DLGAP2: variants seen among roughly 807,000 people sequenced by gnomAD.
DLGAP2 encodes the protein DLG associated protein 2.
Under a neutral mutation model 100.3 loss-of-function variants are expected in DLGAP2, and 26 were observed. The observed-to-expected ratio is 0.26, with a 90% CI of 0.19 to 0.36. The LOEUF (loss-of-function observed/expected upper bound fraction) is 0.36. Among genes scored for constraint, DLGAP2 ranks in the 10% least tolerant of loss-of-function variants. The pLI is 1.00. For synonymous variants in DLGAP2, 886 were observed against 630.1 expected, an observed-to-expected ratio of 1.41 and a Z score of -6.08; for missense variants, 1,858 against 1,453.2, an observed-to-expected ratio of 1.28 and a Z score of -4.53.
At chr8:1,199,120 A>G (rs1363063013) in intron 2 of DLGAP2, among the ~76,000 whole-genome samples, 1 of 152,246 alleles carries the variant, frequency 6.6e-6, no homozygotes, top group Non-Finnish European at 1.5e-5. Flanking sequence ...ACTTAAACAC[A>G]CATACACACA....
chr8:946,520 C>T (rs967701767), intron 2 of DLGAP2, among the ~76,000 whole-genome samples: 2 of 152,178 alleles, frequency 1.3e-5, no homozygotes, highest in Non-Finnish European at 2.9e-5. Flanking sequence ...GCCTTGGCCT[C>T]CCAAAGTGCT....
intron 2 of DLGAP2, among the ~76,000 whole-genome samples, chr8:988,670 G>T (rs537915396): frequency 2.0e-5 from 3 of 152,094 alleles, no homozygotes; most frequent in Admixed American, 1.3e-4. Context: ...GTGATTTGCC[G>T]TGGCTCTGAC....
intron 3 of DLGAP2, among the ~76,000 whole-genome samples, chr8:1,407,978 T>C (rs181704880): frequency 3.2e-4 from 49 of 152,344 alleles, no homozygotes; most frequent in African/African-American, 9.4e-4. Context: ...TGGGCTGTCC[T>C]GCACAGCACA....
intron 8 of DLGAP2, among the ~76,000 whole-genome samples, chr8:1,651,785 G>T (rs1362308138): frequency 6.6e-6 from 1 of 152,192 alleles, no homozygotes; most frequent in African/African-American, 2.4e-5. Flanking sequence ...TTCCATCTGG[G>T]TATGTGCTCA....
chr8:977,571 C>T lies in DLGAP2; in HGVS notation c.73+69605C>T, dbSNP rs1027900134. ...TTATTTTTGAACTCATGCCTCCTTG[C>T]GAACTTTTTCAATGAGTTTTAACAG... is the stretch of plus-strand genomic sequence containing the variant. On this transcript the variant is annotated intron_variant, in intron 2 of 14. Coordinates refer to ENST00000637795, the MANE Select transcript of DLGAP2 (RefSeq NM_001346810.2). 6.6e-5 allele frequency among the ~76,000 whole-genome samples: 10 copies of T among 152,216 alleles called. No homozygotes were observed. In the South Asian group the frequency reaches 1.0e-3, roughly 16 times the overall value.
intron 1 of DLGAP2, among the ~76,000 whole-genome samples, chr8:880,756 C>G (rs1797773710): frequency 1.3e-5 from 2 of 152,324 alleles, no homozygotes; most frequent in East Asian, 3.9e-4. Flanking sequence ...TATGTGGGTC[C>G]TTTCTCTCCT....
At chr8:1,077,964 T>C (rs11784252) in intron 2 of DLGAP2, among the ~76,000 whole-genome samples, 57,045 of 152,004 alleles carry the variant, frequency 0.38, 10,904 homozygotes, top group African/African-American at 0.45. Context: ...ACTCCAGGGG[T>C]GTCATCCACG....
intron 1 of DLGAP2, among the ~76,000 whole-genome samples, chr8:901,091 G>C (rs1798242060): frequency 1.3e-5 from 2 of 152,152 alleles, no homozygotes; most frequent in Non-Finnish European, 2.9e-5. Context: ...AAGAGTTTGT[G>C]ACCAGCCGGT....
At chr8:1,509,396 T>A (rs983722509) in intron 4 of DLGAP2, among the ~76,000 whole-genome samples, 16 of 151,920 alleles carry the variant, frequency 1.1e-4, no homozygotes, top group Non-Finnish European at 2.2e-4. Context: ...AGAGCACATG[T>A]CTAATGAAAC....
rs556459756 is a variant in DLGAP2 at position 1,504,028 on chromosome 8, T to C, written c.172+2597T>C. Among the ~76,000 whole-genome samples, 18 of 152,282 alleles carry C rather than the reference T, an allele frequency of 1.2e-4. No individual in the cohort carries two copies. The East Asian group carries it at 3.1e-3, about 26-fold the overall frequency. On this transcript the variant is annotated intron_variant, in intron 4 of 14. Coordinates refer to ENST00000637795, the MANE Select transcript of DLGAP2 (RefSeq NM_001346810.2). ...GCACCTCGTGAGGAAGGTGGACGCA[T>C]TGGTTCCAGGGAGGCCTTTTAGCCC...
At chr8:1,095,465 G>C (rs1322230706) in intron 2 of DLGAP2, among the ~76,000 whole-genome samples, 1 of 152,150 alleles carries the variant, frequency 6.6e-6, no homozygotes, top group Non-Finnish European at 1.5e-5. Flanking sequence ...CTGGCGGTGA[G>C]CACAGGGGTT....
chr8:777,234 C>A (rs1462640905), intron 1 of DLGAP2, among the ~76,000 whole-genome samples: 1 of 150,870 alleles, frequency 6.6e-6, no homozygotes, highest in African/African-American at 2.4e-5. Flanking sequence ...TATTTTGAGC[C>A]TATGTGTGTC....
At chr8:771,943 T>G (rs1374461410) in intron 1 of DLGAP2, among the ~76,000 whole-genome samples, 1 of 152,164 alleles carries the variant, frequency 6.6e-6, no homozygotes, top group East Asian at 1.9e-4. Flanking sequence ...TCTCTCTGTC[T>G]CCAGGCTGGA....
chr8:908,497 C>T (rs756158112), intron 2 of DLGAP2, among the ~76,000 whole-genome samples: 4 of 152,150 alleles, frequency 2.6e-5, no homozygotes, highest in Non-Finnish European at 4.4e-5. Context: ...TTTCTCATGG[C>T]AGGATGGGCG....
At chr8:1,415,528 G>A (rs536877766) in intron 3 of DLGAP2, among the ~76,000 whole-genome samples, 10 of 152,122 alleles carry the variant, frequency 6.6e-5, no homozygotes, top group African/African-American at 2.4e-4. Flanking sequence ...TGTGCCCTAT[G>A]TTTAGCCTCC....
Position 1,549,190 on chromosome 8 carries a change from T to C in DLGAP2, c.737T>C (p.Leu246Pro). Residue 246 changes from leucine to proline, a missense_variant, in exon 5 of 15, where the codon CTG becomes CCG. Physicochemically the swap from Leu to Pro is moderately conservative, Grantham distance 98. Transcript: ENST00000637795. The stretch of plus-strand genomic sequence containing the variant: ...AAGCTCTTCACCAAGTCGCACTCGC[T>C]GGAGGGCTCCTCCAAAAGCAACGCC... ...VQKLFTKSHS[L>P]EGSSKSNANG... The C allele has an allele frequency of 1.2e-6, 2 of 1,600,362 alleles. No individual in the cohort carries two copies. Among genetic ancestry groups the C allele is most frequent in the Non-Finnish European group, 1.7e-6 (2 of 1,174,336 alleles).
chr8:768,869 G>A (rs1821284322), intron 1 of DLGAP2, among the ~76,000 whole-genome samples: 1 of 152,162 alleles, frequency 6.6e-6, no homozygotes, highest in Non-Finnish European at 1.5e-5. Flanking sequence ...CATTTCATGT[G>A]TCTGGGGTCA....
intron 3 of DLGAP2, among the ~76,000 whole-genome samples, chr8:1,310,663 T>C (rs1195281187): frequency 1.3e-5 from 2 of 152,082 alleles, no homozygotes; most frequent in African/African-American, 4.8e-5. Context: ...TTGTTTTTTG[T>C]TTTTTGTTTT....
At chr8:1,357,301 G>A (rs372928340) in intron 3 of DLGAP2, among the ~76,000 whole-genome samples, 8 of 152,126 alleles carry the variant, frequency 5.3e-5, no homozygotes, top group South Asian at 4.1e-4. Context: ...TCTGGCTGAT[G>A]CCACAGACTG....
Sources: gnomAD v4.1 joint callset for allele counts (sites outside exome capture counted in the v4.1 genomes callset) on GRCh38, gnomAD v4.1.1 for gene constraint, MANE v1.5 for transcripts, NCBI Gene and HGNC (gene_info 2026-07-23, HGNC 2026-07-21) for gene names.